The following PREX1 variants were observed in gnomAD, a reference collection of about 807,000 sequenced individuals.
The protein encoded by PREX1 is phosphatidylinositol 3,4,5-trisphosphate-dependent Rac exchanger 1 protein.
In PREX1, 41 loss-of-function variants were observed where a neutral mutation model predicts 198.3. The ratio of observed to expected loss-of-function variants is 0.21; its 90% CI spans 0.16 to 0.27. PREX1 has a LOEUF of 0.27. Ranked by LOEUF, PREX1 falls within the 10% of genes least tolerant of loss-of-function variation. The pLI, the probability that PREX1 is intolerant of heterozygous loss-of-function variation, is 1.00. For missense variants in PREX1, 1,620 were observed against 2,200.7 expected (o/e 0.74, Z 5.28); for synonymous variants, 843 against 887.2 (o/e 0.95, Z 0.89).
In PREX1 at chr20:48,625,906, C is replaced by G; in HGVS notation, c.4959G>C (p.Pro1653=). The change falls in exon 40 of 40, where the codon CCG becomes CCC. Residue 1653 remains proline, a synonymous_variant. Coordinates refer to ENST00000371941, the MANE Select transcript of PREX1 (RefSeq NM_020820.4). ...GAPRLYRLCQ[P]PVDGDL ...GTGTTCAGAGGTCCCCATCCACCGG[C>G]GGCTGGCAGAGGCGGTAGAGGCTGG... The G allele has an allele frequency of 1.1e-5, 17 of 1,563,416 alleles. No individual in the cohort carries two copies. The highest frequency in any genetic ancestry group is 1.5e-5 in the Non-Finnish European group (17 of 1,157,842).
intron 36 of PREX1, among the ~76,000 whole-genome samples, 182 bp from the exon 37 acceptor site, chr20:48,629,803 C>A (rs929636664): frequency 3.3e-5 from 5 of 152,158 alleles, no homozygotes; most frequent in Admixed American, 1.3e-4. Flanking sequence ...CTCAAGAACC[C>A]TCTGTGGCTC....
chr20:48,822,274 CA>C (rs547645009), intron 1 of PREX1, among the ~76,000 whole-genome samples: 3 of 152,220 alleles, frequency 2.0e-5, no homozygotes. Context: ...CCCACCTGGG[CA>C]GCCCAGAGGT....
the PREX1 span, among the ~76,000 whole-genome samples, chr20:48,867,870 CTTT>C: frequency 8.2e-4 from 116 of 142,252 alleles, no homozygotes; most frequent in African/African-American, 2.7e-3. Flanking sequence ...CCATCTTAAC[CTTT>C]TTTTTTTTTT....
chr20:48,661,927 G>C (rs923605546), intron 15 of PREX1, among the ~76,000 whole-genome samples: 1 of 152,162 alleles, frequency 6.6e-6, no homozygotes, highest in East Asian at 1.9e-4. Context: ...ATCAAGGCTC[G>C]GAGAGGTAAA....
At chr20:48,698,663 T>C (rs935828186) in intron 7 of PREX1, among the ~76,000 whole-genome samples, 1 of 151,870 alleles carries the variant, frequency 6.6e-6, no homozygotes, top group Non-Finnish European at 1.5e-5. Context: ...AAGCAGGAGG[T>C]CCAGGCCCTC....
chr20:48,753,504 A>C (rs983187281), intron 1 of PREX1, among the ~76,000 whole-genome samples: 1 of 152,062 alleles, frequency 6.6e-6, no homozygotes, highest in African/African-American at 2.4e-5. Flanking sequence ...GATGCTGCGA[A>C]ACACCCTACA....
At chr20:48,832,318 C>T (rs2090538961), upstream of PREX1, among the ~76,000 whole-genome samples, 1 of 152,166 alleles carries the variant, frequency 6.6e-6, no homozygotes, top group African/African-American at 2.4e-5. Context: ...TTCTTATTCC[C>T]TGACAAGCCC....
At chr20:48,663,995 A>G (rs1322917495) in intron 15 of PREX1, among the ~76,000 whole-genome samples, 1 of 152,220 alleles carries the variant, frequency 6.6e-6, no homozygotes, top group East Asian at 1.9e-4. Flanking sequence ...CTGGAACACC[A>G]AAGACACCAC....
chr20:48,704,332 T>C (rs1414593015), intron 6 of PREX1, among the ~76,000 whole-genome samples: 1 of 152,202 alleles, frequency 6.6e-6, no homozygotes, highest in African/African-American at 2.4e-5. Context: ...GGAGAGACCA[T>C]GTCCCACTGG....
chr20:48,788,372 A>T (rs2090322639), intron 1 of PREX1, among the ~76,000 whole-genome samples: 1 of 152,236 alleles, frequency 6.6e-6, no homozygotes, highest in East Asian at 1.9e-4. Flanking sequence ...TACCACCCTC[A>T]AACAGGAAGC....
intron 6 of PREX1, 34 bp downstream of exon 6, chr20:48,708,226 C>A (rs533314771): frequency 1.2e-6 from 2 of 1,605,170 alleles, no homozygotes; most frequent in East Asian, 2.2e-5. Context: ...TGGCCCCCTG[C>A]GGCCCAGGAA....
At chr20:48,802,228 C>T (rs555539225) in intron 1 of PREX1, among the ~76,000 whole-genome samples, 11 of 152,216 alleles carry the variant, frequency 7.2e-5, no homozygotes, top group African/African-American at 2.2e-4. Flanking sequence ...CTGTCACTGC[C>T]TGGCCTAATG....
chr20:48,816,613 T>G (rs2008614), intron 1 of PREX1, among the ~76,000 whole-genome samples: 1 of 152,076 alleles, frequency 6.6e-6, no homozygotes, highest in African/African-American at 2.4e-5. Context: ...GATGTGGCTA[T>G]GTTGTGGCAG....
Position 48,658,179 on chromosome 20 carries a change from T to C in PREX1, c.1931A>G (p.Lys644Arg), listed in dbSNP as rs1252893307. 6.2e-7 allele frequency: 1 copy of C among 1,614,072 alleles called. No individual in the cohort carries two copies. The highest frequency in any genetic ancestry group is 8.5e-7 in the Non-Finnish European group (1 of 1,180,012). ...DYGFDIEEKNKAVVVKSVQRG... is the reference protein window; with the variant it reads ...DYGFDIEEKNRAVVVKSVQRG... ...CTGGACGGACTTCACCACCACAGCCTTGTTCTTCTCCTCGATGTCAAAGCC... is the reference window on the plus strand; with the variant it reads ...CTGGACGGACTTCACCACCACAGCCCTGTTCTTCTCCTCGATGTCAAAGCC... Residue 644 changes from lysine (K) to arginine (R), a missense_variant, in exon 17 of 40, where the codon AAG (lysine) becomes AGG (arginine). Lys to Arg is a conservative substitution (Grantham distance 26, BLOSUM62 2). Transcript: ENST00000371941.
chr20:48,747,942 T>A, intron 1 of PREX1, 62 bp from the exon 2 acceptor site: 2 of 1,457,400 alleles, frequency 1.4e-6, no homozygotes, highest in Non-Finnish European at 1.9e-6. Flanking sequence ...TGGACGGCCC[T>A]ACAGAAGGCT....
chr20:48,667,325 A>G (rs1221193654), intron 14 of PREX1, among the ~76,000 whole-genome samples: 1 of 152,236 alleles, frequency 6.6e-6, no homozygotes, highest in East Asian at 1.9e-4. Context: ...CTCTAATACT[A>G]GAAATCAAGT....
At chr20:48,843,381 G>A in the PREX1 span, among the ~76,000 whole-genome samples, 3 of 152,156 alleles carry the variant, frequency 2.0e-5, no homozygotes, top group Non-Finnish European at 4.4e-5. Flanking sequence ...CCTGAGTCAT[G>A]TATTTTCTAC....
intron 1 of PREX1, among the ~76,000 whole-genome samples, chr20:48,822,564 C>A (rs2090490813): frequency 6.6e-6 from 1 of 152,208 alleles, no homozygotes; most frequent in Non-Finnish European, 1.5e-5. Context: ...ACCATTATTA[C>A]TGTTGCATTA....
intron 5 of PREX1, among the ~76,000 whole-genome samples, chr20:48,709,754 A>C (rs2089922001): frequency 6.6e-6 from 1 of 152,178 alleles, no homozygotes. Flanking sequence ...AGCACTCAAT[A>C]TATGCGAGCC....
Sources: gnomAD v4.1 joint callset for allele counts (sites outside exome capture counted in the v4.1 genomes callset) on GRCh38, gnomAD v4.1.1 for gene constraint, MANE v1.5 for transcripts, NCBI Gene and HGNC (gene_info 2026-07-23, HGNC 2026-07-21) for gene names.